Variants in ANKRD66 observed in about 807,000 individuals in gnomAD.
The protein encoded by ANKRD66 is ankyrin repeat domain-containing protein 66.
A neutral mutation model predicts 10.9 loss-of-function variants in ANKRD66; 10 were observed. The observed-to-expected ratio is 0.91, with a 90% CI of 0.56 to 1.55. The LOEUF (loss-of-function observed/expected upper bound fraction) is 1.55. ANKRD66 is among the 40% of genes most tolerant of loss of function. The pLI, the probability that ANKRD66 is intolerant of heterozygous loss-of-function variation, is 0.00. For missense variants in ANKRD66, 252 were observed against 242.9 expected, an observed-to-expected ratio of 1.04 and a Z score of -0.25; for synonymous variants, 85 against 88.4, an observed-to-expected ratio of 0.96 and a Z score of 0.22.
rs1398850103 is a variant in ANKRD66, at chr6:46,758,895, A to G, written c.565A>G (p.Ser189Gly). The G allele has an allele frequency of 6.4e-7, 1 of 1,551,248 alleles. No homozygotes were observed. Among genetic ancestry groups the G allele is most frequent in the East Asian group, 2.4e-5 (1 of 40,916 alleles). Residue 189 changes from serine (S) to glycine (G), a missense_variant, in exon 5 of 5, where the codon AGC becomes GGC. Physicochemically the swap from Ser to Gly is moderately conservative, Grantham distance 56 (BLOSUM62 0). Transcript: ENST00000565422. ...GAAAAGTCGAGGCCCCACCAGGCCC[A>G]GCAATACCAAGGGGAGGAGAGTATG... ...NKKSRGPTRP[S>G]NTKGRRV
At chr6:46,747,982 T>C in intron 1 of ANKRD66, among the ~76,000 whole-genome samples, 1 of 152,168 alleles carries the variant, frequency 6.6e-6, no homozygotes, top group East Asian at 1.9e-4. Context: ...TGTTGTCAAG[T>C]ATAAAAATTA....
At chr6:46,753,182 T>C (rs1766305855) in intron 3 of ANKRD66, among the ~76,000 whole-genome samples, 1 of 152,230 alleles carries the variant, frequency 6.6e-6, no homozygotes, top group Non-Finnish European at 1.5e-5. Context: ...GGTAATATCC[T>C]TAATTTGCAA....
At chr6:46,747,238 C>G in intron 1 of ANKRD66, among the ~76,000 whole-genome samples, 1 of 152,070 alleles carries the variant, frequency 6.6e-6, no homozygotes, top group East Asian at 1.9e-4. Flanking sequence ...TTTCTGCAAA[C>G]AAATTGTGTT....
At position 46,750,495 on chromosome 6, in the gene ANKRD66, C is replaced by T. The variant is rs1582604888; in HGVS notation, c.-13+516C>T. ...ATAGAAGACAGCTGGATTCTTGTAT[C>T]TGCTTCTGCATTCAGTTTGTTGTTT... On this transcript the variant is annotated intron_variant, in intron 2 of 4. Coordinates refer to ENST00000565422, the MANE Select transcript of ANKRD66 (RefSeq NM_001162435.3). Among the ~76,000 whole-genome samples the T allele has an allele frequency of 2.6e-5, 4 of 151,790 alleles. No individual in the cohort carries two copies. In the South Asian group the frequency reaches 8.3e-4, roughly 32 times the overall value.
At chr6:46,754,294 G>A (rs921996838) in intron 4 of ANKRD66, among the ~76,000 whole-genome samples, 1 of 152,164 alleles carries the variant, frequency 6.6e-6, no homozygotes, top group African/African-American at 2.4e-5. Context: ...CCTTGTGCAA[G>A]TCAATGCAGC....
intron 4 of ANKRD66, among the ~76,000 whole-genome samples, chr6:46,755,400 C>T (rs1277360252): frequency 6.6e-6 from 1 of 152,186 alleles, no homozygotes; most frequent in Non-Finnish European, 1.5e-5. Context: ...CACATCACAC[C>T]TCAGCCTGTC....
chr6:46,758,722 G>A lies in ANKRD66; in HGVS notation c.393-1G>A, dbSNP rs1403011974. The A allele has an allele frequency of 4.5e-6, 7 of 1,544,744 alleles. No homozygotes were observed. Among genetic ancestry groups the A allele is most frequent in the Non-Finnish European group, 2.6e-6 (3 of 1,145,066 alleles). ...TCAGAAGGCTCTCTCTTCTTTCCTA[G>A]GGCAGAGCCCGAGTGCCAGGACCAC... On this transcript the variant is annotated splice_acceptor_variant, in intron 4 of 4. Coordinates refer to ENST00000565422, the MANE Select transcript of ANKRD66 (RefSeq NM_001162435.3). LOFTEE classifies it high-confidence loss of function.
chr6:46,751,544 C>T (rs1170802784), intron 2 of ANKRD66, among the ~76,000 whole-genome samples: 1 of 152,118 alleles, frequency 6.6e-6, no homozygotes, highest in African/African-American at 2.4e-5. Context: ...CAGATTACAT[C>T]CATTCTATAG....
intron 2 of ANKRD66, among the ~76,000 whole-genome samples, chr6:46,751,219 C>A (rs1356782671): frequency 6.6e-6 from 1 of 152,176 alleles, no homozygotes; most frequent in Admixed American, 6.5e-5. Context: ...TACACTATTG[C>A]TTTTGAGCCA....
intron 1 of ANKRD66, among the ~76,000 whole-genome samples, chr6:46,748,717 T>G (rs758688977): frequency 2.4e-4 from 36 of 152,272 alleles, no homozygotes; most frequent in Admixed American, 1.2e-3. Context: ...GCATCTGTAT[T>G]TTTGAAAATC....
At chr6:46,752,372 T>C (rs573220622) in intron 3 of ANKRD66, among the ~76,000 whole-genome samples, 1 of 152,294 alleles carries the variant, frequency 6.6e-6, no homozygotes, top group East Asian at 1.9e-4. Flanking sequence ...GTAGCTGGGA[T>C]TACAGGCATG....
At chr6:46,750,631 C>T (rs1269010932) in intron 2 of ANKRD66, among the ~76,000 whole-genome samples, 2 of 148,390 alleles carry the variant, frequency 1.3e-5, no homozygotes, top group Non-Finnish European at 3.0e-5. Context: ...CATATACATA[C>T]ACACATATGT....
At chr6:46,747,432 C>T (rs1027978241) in intron 1 of ANKRD66, among the ~76,000 whole-genome samples, 6 of 152,170 alleles carry the variant, frequency 3.9e-5, no homozygotes, top group African/African-American at 1.2e-4. Flanking sequence ...AAAAGAAATC[C>T]TGTACTTATC....
chr6:46,747,061 A>G, intron 1 of ANKRD66, 71 bp downstream of exon 1: 1 of 1,451,718 alleles, frequency 6.9e-7, no homozygotes, highest in South Asian at 1.2e-5. Flanking sequence ...ATTAAAACTG[A>G]TATTTATTGA....
At chr6:46,751,218 G>A (rs1766262231) in intron 2 of ANKRD66, among the ~76,000 whole-genome samples, 1 of 152,088 alleles carries the variant, frequency 6.6e-6, no homozygotes, top group African/African-American at 2.4e-5. Flanking sequence ...CTACACTATT[G>A]CTTTTGAGCC....
intron 4 of ANKRD66, chr6:46,756,226 A>G (rs1420995697): frequency 7.5e-6 from 2 of 267,734 alleles, no homozygotes; most frequent in Non-Finnish European, 1.5e-5. Context: ...TTAGCAATCA[A>G]ATTGAGTAGG....
chr6:46,753,427 A>G (rs996699813), intron 3 of ANKRD66, among the ~76,000 whole-genome samples: 19 of 152,168 alleles, frequency 1.2e-4, no homozygotes, highest in Admixed American at 1.1e-3. Context: ...AGAGAAAGCA[A>G]GATTCCTGGG....
chr6:46,751,710 T>C (rs1457941001), intron 2 of ANKRD66, among the ~76,000 whole-genome samples: 1 of 152,134 alleles, frequency 6.6e-6, no homozygotes, highest in Non-Finnish European at 1.5e-5. Flanking sequence ...AGTTTAGACA[T>C]AATTCTGTGT....
At chr6:46,757,754 C>A (rs1766410099) in intron 4 of ANKRD66, 1 of 152,184 alleles carries the variant, frequency 6.6e-6, no homozygotes, top group Admixed American at 6.5e-5. Flanking sequence ...AAGTGATAAA[C>A]CTCTCATTTA....
Sources: gnomAD v4.1 joint callset for allele counts (sites outside exome capture counted in the v4.1 genomes callset) on GRCh38, gnomAD v4.1.1 for gene constraint, MANE v1.5 for transcripts, NCBI Gene and HGNC (gene_info 2026-07-23, HGNC 2026-07-21) for gene names.